Variants in IL1RAPL1 observed in about 807,000 individuals in gnomAD.
The protein encoded by IL1RAPL1 is interleukin 1 receptor accessory protein like 1.
Under a neutral mutation model 48.4 loss-of-function variants are expected in IL1RAPL1, and 3 were observed. The ratio of observed to expected loss-of-function variants is 0.06; its 90% CI spans 0.03 to 0.16. The LOEUF is 0.16. IL1RAPL1 is among the 10% of genes least tolerant of loss of function. The pLI is 1.00. For missense variants in IL1RAPL1, 349 were observed against 530.6 expected, an observed-to-expected ratio of 0.66 and a Z score of 3.36; for synonymous variants, 185 against 187.7, an observed-to-expected ratio of 0.99 and a Z score of 0.12.
chrX:28,721,270 T>G (rs1030152872), intron 1 of IL1RAPL1, among the ~76,000 whole-genome samples: 1 of 112,024 alleles, frequency 8.9e-6, no homozygotes, highest in Admixed American at 9.5e-5. Context: ...TTCCTGACTT[T>G]TTAATGATCG....
At chrX:28,666,513 A>C (rs925419306) in intron 1 of IL1RAPL1, among the ~76,000 whole-genome samples, 1 of 112,106 alleles carries the variant, frequency 8.9e-6, no homozygotes, top group African/African-American at 3.2e-5. Context: ...TAAATGCATT[A>C]CTAGGCGGTT....
At chrX:28,732,474 C>T (rs1269235938) in intron 1 of IL1RAPL1, among the ~76,000 whole-genome samples, 1 of 111,362 alleles carries the variant, frequency 9.0e-6, no homozygotes, top group Non-Finnish European at 1.9e-5. Flanking sequence ...CTTATTTCTT[C>T]GAGGGCTTTT....
intron 1 of IL1RAPL1, among the ~76,000 whole-genome samples, chrX:28,614,276 A>G (rs1934186582): frequency 9.0e-6 from 1 of 111,555 alleles, no homozygotes; most frequent in African/African-American, 3.3e-5. Flanking sequence ...CTGAGATTTG[A>G]CCAAATGAAA....
chrX:29,021,763 G>T (rs180868622), intron 2 of IL1RAPL1, among the ~76,000 whole-genome samples: 1 of 111,354 alleles, frequency 9.0e-6, no homozygotes, highest in East Asian at 2.8e-4. Context: ...TAGGACTGTT[G>T]CAAAACAGCA....
At chrX:28,923,158 T>C (rs1462514290) in intron 2 of IL1RAPL1, among the ~76,000 whole-genome samples, 1 of 111,554 alleles carries the variant, frequency 9.0e-6, no homozygotes, top group East Asian at 2.8e-4. Context: ...ACACCTAAGA[T>C]TTGTACGTTT....
At chrX:29,450,931 G>C (rs1298702531) in intron 5 of IL1RAPL1, among the ~76,000 whole-genome samples, 6 of 110,148 alleles carry the variant, frequency 5.4e-5, no homozygotes, top group African/African-American at 2.0e-4. Context: ...GCTTAACTAA[G>C]GTGCCGATAT....
intron 9 of IL1RAPL1, among the ~76,000 whole-genome samples, chrX:29,943,991 G>T (rs1387155363): frequency 1.8e-5 from 2 of 111,710 alleles, no homozygotes; most frequent in African/African-American, 3.3e-5. Flanking sequence ...AGATGAGAAG[G>T]TTCTCTTGGA....
At chrX:29,427,804 A>G (rs1295541284) in intron 5 of IL1RAPL1, among the ~76,000 whole-genome samples, 2 of 112,044 alleles carry the variant, frequency 1.8e-5, no homozygotes, top group Non-Finnish European at 3.8e-5. Context: ...GACCAAGGGT[A>G]GGTTATTGTT....
chrX:29,827,167 G>A (rs1930756444), intron 6 of IL1RAPL1, among the ~76,000 whole-genome samples: 1 of 112,055 alleles, frequency 8.9e-6, no homozygotes, highest in South Asian at 3.7e-4. Context: ...CAAGCTCCCA[G>A]GAGATGCTGA....
intron 5 of IL1RAPL1, among the ~76,000 whole-genome samples, chrX:29,527,326 CTTTTTTTT>C (rs61003668): frequency 1.4e-3 from 37 of 25,569 alleles, no homozygotes; most frequent in Admixed American, 2.2e-3. Flanking sequence ...GGGAAGGACT[CTTTTTTTT>C]TTTTTTTTTT....
chrX:28,941,651 C>T (rs1029759213), intron 2 of IL1RAPL1, among the ~76,000 whole-genome samples: 3 of 110,920 alleles, frequency 2.7e-5, no homozygotes, highest in Non-Finnish European at 5.7e-5. Context: ...AATTTTAGTT[C>T]TGAAGAAGTA....
At chrX:28,957,625 A>T (rs1327070550) in intron 2 of IL1RAPL1, among the ~76,000 whole-genome samples, 1 of 109,931 alleles carries the variant, frequency 9.1e-6, no homozygotes, top group African/African-American at 3.3e-5. Flanking sequence ...TTTTGAGTTT[A>T]TCTCTGATCA....
intron 6 of IL1RAPL1, among the ~76,000 whole-genome samples, chrX:29,684,245 G>A (rs1367113515): frequency 9.0e-6 from 1 of 111,702 alleles, no homozygotes; most frequent in Non-Finnish European, 1.9e-5. Flanking sequence ...AGATCAAGGC[G>A]CCAGCAGATT....
chrX:29,143,275 TAAGAA>T (rs779007495), intron 2 of IL1RAPL1, among the ~76,000 whole-genome samples: 1 of 111,548 alleles, frequency 9.0e-6, no homozygotes, highest in Admixed American at 9.5e-5. Flanking sequence ...TTTGATATGA[TAAGAA>T]AAGAGATTAT....
At chrX:28,805,113 G>A (rs974895025) in intron 2 of IL1RAPL1, among the ~76,000 whole-genome samples, 1 of 110,687 alleles carries the variant, frequency 9.0e-6, no homozygotes, top group African/African-American at 3.3e-5. Context: ...AGACAAGAGA[G>A]TGGGAAATGA....
chrX:29,102,879 A>G (rs1012775877), intron 2 of IL1RAPL1, among the ~76,000 whole-genome samples: 2 of 111,479 alleles, frequency 1.8e-5, no homozygotes, highest in African/African-American at 3.3e-5. Context: ...CCCATTTACA[A>G]TAGCTACAAA....
intron 5 of IL1RAPL1, among the ~76,000 whole-genome samples, chrX:29,571,543 G>C (rs903450888): frequency 5.4e-5 from 6 of 111,398 alleles, no homozygotes; most frequent in Non-Finnish European, 1.1e-4. Flanking sequence ...TCTTCTAATA[G>C]ATGTCTTCCT....
At chrX:28,796,989 C>T (rs73630087) in intron 2 of IL1RAPL1, among the ~76,000 whole-genome samples, 2,477 of 112,266 alleles carry the variant, frequency 0.022, 57 homozygotes, top group African/African-American at 0.075. Flanking sequence ...TCTTGACTTC[C>T]GTGCACTGCC....
intron 5 of IL1RAPL1, among the ~76,000 whole-genome samples, chrX:29,437,976 A>T (rs1261506624): frequency 9.0e-6 from 1 of 111,087 alleles, no homozygotes; most frequent in African/African-American, 3.3e-5. Context: ...TAAATGTTTC[A>T]TAGAATTTTC....
Sources: gnomAD v4.1 joint callset for allele counts (sites outside exome capture counted in the v4.1 genomes callset) on GRCh38, gnomAD v4.1.1 for gene constraint, MANE v1.5 for transcripts, NCBI Gene and HGNC (gene_info 2026-07-23, HGNC 2026-07-21) for gene names.